The following RALGAPB variants were observed in gnomAD, a reference collection of about 807,000 sequenced individuals.
RALGAPB encodes the protein ral GTPase-activating protein subunit beta.
A neutral mutation model predicts 161.1 loss-of-function variants in RALGAPB; 25 were observed. The observed-to-expected ratio is 0.16, with a 90% CI of 0.11 to 0.22. RALGAPB has a LOEUF of 0.22. RALGAPB is among the 10% of genes least tolerant of loss of function. The pLI, the probability that RALGAPB is intolerant of heterozygous loss-of-function variation, is 1.00. For synonymous variants in RALGAPB, 629 were observed against 626.1 expected, an observed-to-expected ratio of 1.00 and a Z score of -0.07; for missense variants, 1,391 against 1,815.2, an observed-to-expected ratio of 0.77 and a Z score of 4.25.
intron 2 of RALGAPB, among the ~76,000 whole-genome samples, chr20:38,490,011 C>CT (rs1279117242): frequency 0.028 from 3,970 of 140,534 alleles, 96 homozygotes; most frequent in Non-Finnish European, 0.04. Context: ...TGGAATTATA[C>CT]TTTTTTTTTT....
At chr20:38,485,712 C>T (rs1464600791) in intron 1 of RALGAPB, among the ~76,000 whole-genome samples, 1 of 151,912 alleles carries the variant, frequency 6.6e-6, no homozygotes, top group African/African-American at 2.4e-5. Context: ...CAGGTGTGAG[C>T]CAGAGTTGAG....
intron 13 of RALGAPB, 95 bp downstream of exon 13, chr20:38,526,137 T>G: frequency 7.4e-7 from 1 of 1,346,170 alleles, no homozygotes. Context: ...AGCCTAAACC[T>G]AATGTAGCTC....
intron 5 of RALGAPB, among the ~76,000 whole-genome samples, chr20:38,503,046 T>C (rs1410851550): frequency 2.0e-5 from 3 of 152,262 alleles, no homozygotes; most frequent in Non-Finnish European, 4.4e-5. Flanking sequence ...TAATTACTTT[T>C]GTACCAACAC....
At chr20:38,475,325 ATGT>A (rs2084772766) in intron 1 of RALGAPB, among the ~76,000 whole-genome samples, 1 of 152,210 alleles carries the variant, frequency 6.6e-6, no homozygotes. Context: ...GAGTAAAATC[ATGT>A]TGTCACAGGA....
intron 16 of RALGAPB, among the ~76,000 whole-genome samples, chr20:38,539,398 A>G (rs943731748): frequency 7.9e-5 from 12 of 152,192 alleles, no homozygotes; most frequent in Non-Finnish European, 1.3e-4. Context: ...TATGACAATT[A>G]TGCCTCTGAG....
chr20:38,545,240 A>G (rs968448230), intron 18 of RALGAPB, among the ~76,000 whole-genome samples: 1 of 152,174 alleles, frequency 6.6e-6, no homozygotes, highest in Non-Finnish European at 1.5e-5. Context: ...CAAGTTCATG[A>G]TATTATATGA....
intron 18 of RALGAPB, among the ~76,000 whole-genome samples, 182 bp downstream of exon 18, chr20:38,541,374 C>G (rs1194744736): frequency 6.6e-6 from 1 of 151,972 alleles, no homozygotes; most frequent in Non-Finnish European, 1.5e-5. Context: ...GTTTTGTAGA[C>G]CAAAAGAAAC....
rs2087824379 is a variant in RALGAPB, at chr20:38,562,624, C to T, written c.3624C>T (p.His1208=). 6.2e-7 allele frequency: 1 copy of T among 1,613,894 alleles called. No individual in the cohort carries two copies. Among genetic ancestry groups the T allele is most frequent in the African/African-American group, 1.3e-5 (1 of 74,904 alleles). ...GCTGGTCAGTAGATGTGGGCAGACACCCTGGTTGGACTGGGCATGTTTCTA... is the reference window on the plus strand; with the variant it reads ...GCTGGTCAGTAGATGTGGGCAGACATCCTGGTTGGACTGGGCATGTTTCTA... The part of the protein sequence containing the change: ...SLGWSVDVGR[H]PGWTGHVSTS... Residue 1208 remains histidine (H), a synonymous_variant, in exon 24 of 30, where the codon CAC becomes CAT. Transcript: ENST00000262879.
Position 38,575,008 on chromosome 20 carries a change from C to CTA in RALGAPB, c.*44_*45dup, listed in dbSNP as rs1376236768. On this transcript the variant is annotated 3_prime_UTR_variant, in exon 30 of 30. Transcript: ENST00000262879. ...AGACTGTTGAACTCCAGTTTGGGAA[C>CTA]TATAACACAGCAGAACAGTTTGATA... 7.4e-6 allele frequency: 11 copies of CTA among 1,486,082 alleles called. No homozygotes were observed. The African/African-American group carries it at 1.2e-4, about 17-fold the overall frequency. The allele number at this position is 1,486,082 out of a possible 1,614,324, so 92.1% of individuals were successfully genotyped here. A position where few individuals can be genotyped will look rare whatever the true frequency, so the allele number is the denominator to read the frequency against.
At chr20:38,510,229 A>C (rs761786785) in intron 6 of RALGAPB, among the ~76,000 whole-genome samples, 36 of 151,680 alleles carry the variant, frequency 2.4e-4, no homozygotes, top group Non-Finnish European at 4.3e-4. Flanking sequence ...GCGGTCTCAA[A>C]CTCCTGGACT....
intron 3 of RALGAPB, among the ~76,000 whole-genome samples, chr20:38,493,722 A>G (rs1044092406): frequency 1.3e-5 from 2 of 152,174 alleles, no homozygotes. Flanking sequence ...GACTTTGAAA[A>G]CCAGCTCTGT....
Position 38,543,072 on chromosome 20 carries a change from A to G in RALGAPB, c.2714+1880A>G, listed in dbSNP as rs190931838. Among the ~76,000 whole-genome samples, 132 of 152,254 alleles carry G rather than the reference A, an allele frequency of 8.7e-4. 1 individual carries two copies. Among genetic ancestry groups the G allele is most frequent in the Middle Eastern group, 3.4e-3 (1 of 294 alleles). On this transcript the variant is annotated intron_variant, in intron 18 of 29. Transcript: ENST00000262879. ...TGCTCAGGGTGAGTAGAGTCTTGGG[A>G]TGCTTCTTCTCAACCTCACCAGTAA...
Position 38,490,806 on chromosome 20 carries a change from G to A in RALGAPB, c.187-2124G>A, listed in dbSNP as rs757477961. ...ATTACAGGTGTGAGCCACTGCACCC[G>A]GCCAATTTTTGTATTTTTGGCAGAG... On this transcript the variant is annotated intron_variant, in intron 2 of 29. Transcript: ENST00000262879. Among the ~76,000 whole-genome samples, 79 of 151,590 alleles carry A rather than the reference G, an allele frequency of 5.2e-4. 1 individual carries two copies. The highest frequency in any genetic ancestry group is 3.4e-3 in the Middle Eastern group (1 of 292).
At chr20:38,556,324 A>C (rs150818068) in intron 22 of RALGAPB, among the ~76,000 whole-genome samples, 71 of 152,278 alleles carry the variant, frequency 4.7e-4, no homozygotes, top group African/African-American at 1.7e-3. Context: ...CCTTCCTGCG[A>C]TGATAAATTC....
intron 14 of RALGAPB, 72 bp downstream of exon 14, chr20:38,531,303 C>A: frequency 1.5e-6 from 2 of 1,315,488 alleles, no homozygotes; most frequent in Non-Finnish European, 2.2e-6. Context: ...TCCAGAATGT[C>A]CATCTTTGTG....
Position 38,493,171 on chromosome 20 carries a change from A to C in RALGAPB, c.389+39A>C, listed in dbSNP as rs148096645. The C allele has an allele frequency of 5.6e-5, 83 of 1,490,676 alleles. 2 individuals are homozygous for C. In the East Asian group the frequency reaches 1.9e-3, roughly 33 times the overall value. 92.3% of individuals were successfully genotyped at this position (1,490,676 alleles called of 1,614,324 possible). A position where few individuals can be genotyped will look rare whatever the true frequency, so the allele number is the denominator to read the frequency against. On this transcript the variant is annotated intron_variant, in intron 3 of 29. Transcript: ENST00000262879. ...GTCTATCTGGCCCATTATCAGGGTC[A>C]TAGTAAAATATTCATAAACGTTACT...
At chr20:38,511,805 C>T (rs566183830) in intron 6 of RALGAPB, among the ~76,000 whole-genome samples, 18 of 152,306 alleles carry the variant, frequency 1.2e-4, no homozygotes, top group African/African-American at 3.4e-4. Flanking sequence ...TCGACAAAAC[C>T]GCCATCATCA....
rs776081751 is a variant in RALGAPB at position 38,521,550 on chromosome 20, A to G, written c.1471A>G (p.Thr491Ala). ...TCGACGGAAAGGGTCACAAATGTCC[A>G]CAGACACCATGGTTTCCAATCCTAT... ...EFRRKGSQMS[T>A]DTMVSNPMFD... Residue 491 changes from threonine (T) to alanine (A), a missense_variant, in exon 10 of 30, where the codon ACA (threonine) becomes GCA (alanine). This residue lies in a region of RALGAPB where 946 missense variants were observed against 1,257.2 expected (regional missense o/e 0.75). Transcript: ENST00000262879. The G allele has an allele frequency of 2.5e-6, 4 of 1,614,204 alleles. No homozygotes were observed. Among genetic ancestry groups the G allele is most frequent in the South Asian group, 1.1e-5 (1 of 91,082 alleles).
At chr20:38,552,492 AT>A (rs2087412484) in intron 21 of RALGAPB, among the ~76,000 whole-genome samples, 1 of 152,148 alleles carries the variant, frequency 6.6e-6, no homozygotes, top group Non-Finnish European at 1.5e-5. Context: ...GGATGTGAGG[AT>A]TATGAACATG....
Sources: gnomAD v4.1 joint callset for allele counts (sites outside exome capture counted in the v4.1 genomes callset) on GRCh38, gnomAD v4.1.1 for gene constraint, gnomAD v4.1.1 regional missense constraint, MANE v1.5 for transcripts, NCBI Gene and HGNC (gene_info 2026-07-23, HGNC 2026-07-21) for gene names.